ZFP14: variants seen among roughly 807,000 people sequenced by gnomAD.
The protein encoded by ZFP14 is ZFP14 zinc finger protein, also known as zinc finger protein 14 homolog.
In ZFP14, 22 loss-of-function variants were observed where a neutral mutation model predicts 54.5. That is an observed-to-expected ratio of 0.40 (90% CI 0.29 to 0.58). The LOEUF is 0.58. Among genes scored for constraint, ZFP14 ranks in the 20% least tolerant of loss-of-function variants. The probability of loss-of-function intolerance (pLI) is 0.39; values close to 1 mark genes in which losing one functional copy is unlikely to be tolerated. For missense variants in ZFP14, 470 were observed against 637.8 expected, an observed-to-expected ratio of 0.74 and a Z score of 2.83; for synonymous variants, 159 against 204.0, an observed-to-expected ratio of 0.78 and a Z score of 1.88.
intron 1 of ZFP14, among the ~76,000 whole-genome samples, chr19:36,375,839 G>C (rs558331394): frequency 6.6e-6 from 1 of 152,120 alleles, no homozygotes; most frequent in African/African-American, 2.4e-5. Flanking sequence ...TTACAGGCGT[G>C]AGCCACCGCG....
intron 1 of ZFP14, chr19:36,378,906 A>C (rs1297029943): frequency 6.6e-6 from 1 of 152,242 alleles, no homozygotes; most frequent in East Asian, 1.9e-4. Flanking sequence ...AAAGCTGTGC[A>C]ATCTGCAGTT....
At chr19:36,358,986 T>C (rs915465823) in intron 4 of ZFP14, among the ~76,000 whole-genome samples, 4 of 152,276 alleles carry the variant, frequency 2.6e-5, no homozygotes, top group Middle Eastern at 6.8e-3. Flanking sequence ...CACTTGCCAT[T>C]TGATGCCCTG....
Position 36,337,531 on chromosome 19 carries a change from G to A in ZFP14, c.*2693C>T, listed in dbSNP as rs1338929729. 6.6e-6 allele frequency: 1 copy of A among 152,112 alleles called. No individual in the cohort carries two copies. Among genetic ancestry groups the A allele is most frequent in the Non-Finnish European group, 1.5e-5 (1 of 68,008 alleles). The allele number at this position is 152,112 out of a possible 1,614,324, so 9.4% of individuals were successfully genotyped here. Reference sequence around the variant, plus strand: ...AAAGATAATTTAAAGTATACAGGAAGATGTGAGTAGGTAATATGCAAATAC... The same window carrying A: ...AAAGATAATTTAAAGTATACAGGAAAATGTGAGTAGGTAATATGCAAATAC... On this transcript the variant is annotated 3_prime_UTR_variant, in exon 5 of 5. Coordinates refer to ENST00000270001, the MANE Select transcript of ZFP14 (RefSeq NM_020917.3).
Position 36,340,527 on chromosome 19 carries a change from A to G in ZFP14, c.1299T>C (p.Phe433=). 1 of 1,614,170 alleles carries G rather than the reference A, an allele frequency of 6.2e-7. No homozygotes were observed. Among genetic ancestry groups the G allele is most frequent in the South Asian group, 1.1e-5 (1 of 91,080 alleles). The change falls in exon 5 of 5, where the codon TTT becomes TTC. Residue 433 remains phenylalanine, a synonymous_variant. Transcript: ENST00000270001. This position sits in a 1 kb window ranked among gnomAD's most constrained non-coding sequence, Gnocchi z 5.4. ...PYECEECGKA[F]RLLSQLTQHQ... is the part of the protein sequence containing the mutation. ...GCTGAGTAAGTTGTGAGAGCAGTCT[A>G]AAGGCCTTTCCACACTCTTCACATT...
Position 36,341,156 on chromosome 19 carries a change from C to T in ZFP14, c.670G>A (p.Gly224Ser), listed in dbSNP as rs745745956. The T allele has an allele frequency of 1.2e-5, 20 of 1,614,010 alleles. No individual in the cohort carries two copies. The highest frequency in any genetic ancestry group is 1.6e-4 in the Middle Eastern group (1 of 6,084). The change falls in exon 5 of 5, where the codon GGT becomes AGT. Residue 224 changes from glycine to serine, a missense_variant. By Grantham distance (56) the Gly-to-Ser change is moderately conservative. Transcript: ENST00000270001. This position sits in a 1 kb window ranked among gnomAD's most constrained non-coding sequence, Gnocchi z 4.2. Reference sequence around the variant, plus strand: ...TCCTTACATTCATAGGGTTTCTCACCGGTGTGAAGTTTGTGATGTCGAATA... The same window carrying T: ...TCCTTACATTCATAGGGTTTCTCACTGGTGTGAAGTTTGTGATGTCGAATA... ...HLIRHHKLHT[G>S]EKPYECKECG...
intron 3 of ZFP14, 118 bp downstream of exon 3, chr19:36,361,994 C>T: frequency 7.7e-7 from 1 of 1,297,632 alleles, no homozygotes; most frequent in Non-Finnish European, 1.0e-6. Flanking sequence ...TAGTTCCAAC[C>T]TGACAAAGCT....
At chr19:36,370,919 G>A (rs2031868595) in intron 1 of ZFP14, among the ~76,000 whole-genome samples, 1 of 152,194 alleles carries the variant, frequency 6.6e-6, no homozygotes. Context: ...ACAACATAAA[G>A]TGCCAGTGAT....
Position 36,377,864 on chromosome 19 carries a change from C to T in ZFP14, c.-80+1299G>A, listed in dbSNP as rs764901191. ...CCATCTCAAAAAATACAAAAAAAAA[C>T]AAAACAAAACAAACCTACTGGAAAG... On this transcript the variant is annotated intron_variant, in intron 1 of 4. Transcript: ENST00000270001. Among the ~76,000 whole-genome samples, 33 of 151,582 alleles carry T rather than the reference C, an allele frequency of 2.2e-4. 1 individual carries two copies. The highest frequency in any genetic ancestry group is 6.3e-4 in the South Asian group (3 of 4,796).
chr19:36,362,155 A>G lies in ZFP14; in HGVS notation c.93T>C (p.Tyr31=). ...EFLDPAQRDL[Y]RDVMWENYSN... ...TGTAGTTCTCCCACATTACATCCCT[A>G]TATAAGTCCCTCTGAGCAGGATCCA... Residue 31 remains tyrosine (Y), a synonymous_variant, in exon 3 of 5, where the codon TAT becomes TAC. Transcript: ENST00000270001. The G allele has an allele frequency of 6.2e-7, 1 of 1,612,266 alleles. No homozygotes were observed. The highest frequency in any genetic ancestry group is 8.5e-7 in the Non-Finnish European group (1 of 1,179,158).
intron 4 of ZFP14, among the ~76,000 whole-genome samples, chr19:36,358,817 T>A (rs1751427166): frequency 6.6e-6 from 1 of 152,140 alleles, no homozygotes; most frequent in South Asian, 2.1e-4. Context: ...GAGGTGGGGT[T>A]TTTAAGAGGT....
chr19:36,364,542 C>A (rs970496998), intron 2 of ZFP14, among the ~76,000 whole-genome samples: 1 of 152,042 alleles, frequency 6.6e-6, no homozygotes, highest in South Asian at 2.1e-4. Context: ...GTGGGCATAT[C>A]GGGTAAGAGC....
rs1193854087 is a variant in ZFP14, at chr19:36,336,348, TC to T, written c.*3875del. ...TCCGCCTCCTGGATTCAAGTGATTC[TC>T]CTGCCTTAGCCTCCCAAGTAGCTGG... On this transcript the variant is annotated 3_prime_UTR_variant, in exon 5 of 5. Transcript: ENST00000270001. 6.6e-6 allele frequency: 1 copy of T among 150,434 alleles called. No homozygotes were observed. The highest frequency in any genetic ancestry group is 2.0e-4 in the East Asian group (1 of 5,008). The allele number at this position is 150,434 out of a possible 1,614,324, so 9.3% of individuals were successfully genotyped here. A position where few individuals can be genotyped will look rare whatever the true frequency, so the allele number is the denominator to read the frequency against.
intron 4 of ZFP14, among the ~76,000 whole-genome samples, chr19:36,342,612 A>G (rs1472196075): frequency 6.6e-6 from 1 of 152,214 alleles, no homozygotes. Flanking sequence ...AGACAATGCT[A>G]GACTTCAGGT....
chr19:36,352,964 T>C (rs1164667158), intron 4 of ZFP14, among the ~76,000 whole-genome samples: 2 of 134,558 alleles, frequency 1.5e-5, no homozygotes, highest in Admixed American at 1.5e-4. Flanking sequence ...AAATTAGCCA[T>C]GTGTGGTGGT....
intron 1 of ZFP14, among the ~76,000 whole-genome samples, chr19:36,373,068 G>A (rs1003061801): frequency 1.3e-5 from 2 of 151,916 alleles, no homozygotes; most frequent in Non-Finnish European, 2.9e-5. Flanking sequence ...ACCTGAGGTC[G>A]GGAGTTCAAG....
chr19:36,360,553 G>A lies in ZFP14; in HGVS notation c.137-20C>T. On this transcript the variant is annotated intron_variant, in intron 3 of 4. Coordinates refer to ENST00000270001, the MANE Select transcript of ZFP14 (RefSeq NM_020917.3). ...AAGGTCCTGCTTAAAAGAAAAATGT[G>A]ACATGGAATTATACACCAGAAAATC... 2 of 1,598,180 alleles carry A rather than the reference G, an allele frequency of 1.3e-6. No individual in the cohort carries two copies. Among genetic ancestry groups the A allele is most frequent in the Non-Finnish European group, 1.7e-6 (2 of 1,171,044 alleles).
At position 36,340,234 on chromosome 19, in the gene ZFP14, T is replaced by C. The variant is rs765424805; in HGVS notation, c.1592A>G (p.Asn531Ser). Residue 531 changes from asparagine (N) to serine (S), a missense_variant, in exon 5 of 5, where the codon AAT (asparagine) becomes AGT (serine). By Grantham distance (46) the Asn-to-Ser change is conservative. Transcript: ENST00000270001. The surrounding 1 kb of genome is among the most constrained non-coding windows in gnomAD (Gnocchi z 5.4). ...GAAGGCTTTCTTCTATTAAATTCCA[T>C]TATGAATCTTCTGATGCTGAGTAAG... ...SHLTQHQKIH[N>S]GI 3 of 1,567,318 alleles carry C rather than the reference T, an allele frequency of 1.9e-6. No individual in the cohort carries two copies. Among genetic ancestry groups the C allele is most frequent in the African/African-American group, 1.4e-5 (1 of 72,970 alleles).
intron 4 of ZFP14, among the ~76,000 whole-genome samples, chr19:36,352,432 G>A (rs1290243696): frequency 7.0e-6 from 1 of 143,224 alleles, no homozygotes; most frequent in Non-Finnish European, 1.5e-5. Flanking sequence ...AAAACACTGG[G>A]AAGACAGCAG....
intron 4 of ZFP14, among the ~76,000 whole-genome samples, chr19:36,346,129 C>T (rs2031408652): frequency 6.6e-6 from 1 of 151,896 alleles, no homozygotes; most frequent in Admixed American, 6.6e-5. Context: ...CCTATCTCTA[C>T]AAAAAATTAG....
Sources: gnomAD v4.1 joint callset for allele counts (sites outside exome capture counted in the v4.1 genomes callset) on GRCh38, gnomAD v4.1.1 for gene constraint, Gnocchi (gnomAD v3.1) non-coding constraint, MANE v1.5 for transcripts, NCBI Gene and HGNC (gene_info 2026-07-23, HGNC 2026-07-21) for gene names.